The following ADAM18 variants were observed in gnomAD, a reference collection of about 807,000 sequenced individuals.
ADAM18 encodes ADAM metallopeptidase domain 18.
ADAM18 carries 117 observed loss-of-function variants against 94.4 expected under a neutral mutation model. That is an observed-to-expected ratio of 1.24 (90% CI 1.07 to 1.45). ADAM18 has a LOEUF of 1.45. ADAM18 is among the 40% of genes most tolerant of loss of function. The pLI is 0.00. For synonymous variants in ADAM18, 327 were observed against 291.6 expected (o/e 1.12, Z -1.24); for missense variants, 936 against 880.0 (o/e 1.06, Z -0.81).
At chr8:39,682,666 A>G (rs1349077520) in intron 16 of ADAM18, among the ~76,000 whole-genome samples, 1 of 152,184 alleles carries the variant, frequency 6.6e-6, no homozygotes, top group African/African-American at 2.4e-5. Context: ...GAATTAAAAT[A>G]TCTATAAGTT....
At chr8:39,713,498 C>T (rs1822478098) in intron 18 of ADAM18, among the ~76,000 whole-genome samples, 1 of 152,256 alleles carries the variant, frequency 6.6e-6, no homozygotes, top group East Asian at 1.9e-4. Context: ...TCCAGGTGAA[C>T]AGGCAACCTA....
At chr8:39,629,311 T>A in intron 6 of ADAM18, 63 bp from the exon 7 acceptor site, 1 of 1,308,994 alleles carries the variant, frequency 7.6e-7, no homozygotes, top group Non-Finnish European at 1.1e-6. Flanking sequence ...TTACATGTCA[T>A]CTTTTTCTCT....
At chr8:39,664,540 G>C (rs1820938837) in intron 13 of ADAM18, among the ~76,000 whole-genome samples, 1 of 151,842 alleles carries the variant, frequency 6.6e-6, no homozygotes, top group South Asian at 2.1e-4. Context: ...AGATAAAAGG[G>C]AGAAAAAACA....
intron 15 of ADAM18, among the ~76,000 whole-genome samples, chr8:39,679,741 T>C (rs1186369693): frequency 6.6e-6 from 1 of 152,148 alleles, no homozygotes; most frequent in African/African-American, 2.4e-5. Context: ...TGACTAATTC[T>C]CCCAGAGTGC....
At chr8:39,592,732 A>C (rs866830832) in intron 2 of ADAM18, among the ~76,000 whole-genome samples, 1 of 152,188 alleles carries the variant, frequency 6.6e-6, no homozygotes, top group Non-Finnish European at 1.5e-5. Context: ...AACAATGTCC[A>C]ATATTTGAGT....
chr8:39,629,247 T>C, intron 6 of ADAM18, 127 bp from the exon 7 acceptor site: 1 of 642,370 alleles, frequency 1.6e-6, no homozygotes, highest in East Asian at 3.3e-5. Context: ...ACATCAGAAT[T>C]AATTTTTATA....
chr8:39,640,374 G>T (rs1037513684), intron 10 of ADAM18, among the ~76,000 whole-genome samples: 2 of 151,908 alleles, frequency 1.3e-5, no homozygotes, highest in Non-Finnish European at 2.9e-5. Context: ...TCCTTTTATG[G>T]CTGCATAGTA....
rs778498150 is a variant in ADAM18 at position 39,637,686 on chromosome 8, C to G, written c.810C>G (p.Asp270Glu). ...KRDYLILRPH[D>E]IAYLLVYRKH... The stretch of plus-strand genomic sequence containing the variant: ...ACTATCTCATCCTACGGCCCCATGA[C>G]ATAGCATACTTACTTGTGTAAGCAC... The change falls in exon 9 of 20, where the codon GAC becomes GAG. Residue 270 changes from aspartate (D) to glutamate (E), a missense_variant. Transcript: ENST00000265707. 1.2e-6 allele frequency: 2 copies of G among 1,605,534 alleles called. No individual in the cohort carries two copies. Among genetic ancestry groups the G allele is most frequent in the African/African-American group, 2.7e-5 (2 of 74,654 alleles).
chr8:39,728,387 T>C (rs1054318981), intron 19 of ADAM18, among the ~76,000 whole-genome samples: 21 of 152,200 alleles, frequency 1.4e-4, no homozygotes, highest in Non-Finnish European at 2.4e-4. Context: ...AATAAAATCA[T>C]GAGTAACTGT....
rs2305394 is a variant in ADAM18 at position 39,680,285 on chromosome 8, T to A, written c.1821+59T>A. The A allele has an allele frequency of 3.2e-5, 46 of 1,435,054 alleles. No homozygotes were observed. The African/African-American group carries it at 6.6e-4, about 20-fold the overall frequency. 88.9% of individuals were successfully genotyped at this position (1,435,054 alleles called of 1,614,324 possible). ...TTAAATTATGTGAATTATCAGATAC[T>A]GCATTCCATGATGACTATCACAATT... On this transcript the variant is annotated intron_variant, in intron 16 of 19. Coordinates refer to ENST00000265707, the MANE Select transcript of ADAM18 (RefSeq NM_014237.3).
chr8:39,639,158 A>G (rs559321448), intron 10 of ADAM18, among the ~76,000 whole-genome samples: 1 of 152,054 alleles, frequency 6.6e-6, no homozygotes, highest in South Asian at 2.1e-4. Context: ...GTCAAAGTTT[A>G]TAGCACAATT....
At chr8:39,696,656 T>C (rs530061436) in intron 17 of ADAM18, among the ~76,000 whole-genome samples, 4 of 151,566 alleles carry the variant, frequency 2.6e-5, no homozygotes, top group South Asian at 2.1e-4. Flanking sequence ...CATGGAAGCC[T>C]TGACAGAAAT....
chr8:39,691,529 C>G (rs1821780256), intron 16 of ADAM18, among the ~76,000 whole-genome samples: 1 of 151,884 alleles, frequency 6.6e-6, no homozygotes, highest in African/African-American at 2.4e-5. Context: ...GCAATAAACT[C>G]CCATGTTTAT....
intron 3 of ADAM18, among the ~76,000 whole-genome samples, chr8:39,606,661 G>T (rs918861286): frequency 6.6e-6 from 1 of 152,098 alleles, no homozygotes; most frequent in Admixed American, 6.6e-5. Flanking sequence ...AAGTATATCT[G>T]GTGTGAAATC....
At chr8:39,686,992 T>C (rs1821624109) in intron 16 of ADAM18, among the ~76,000 whole-genome samples, 1 of 152,206 alleles carries the variant, frequency 6.6e-6, no homozygotes, top group African/African-American at 2.4e-5. Context: ...TTTTTTAAAA[T>C]AGATTCCTAT....
intron 18 of ADAM18, among the ~76,000 whole-genome samples, chr8:39,716,141 C>G (rs1328913569): frequency 6.7e-6 from 1 of 149,624 alleles, no homozygotes; most frequent in African/African-American, 2.5e-5. Flanking sequence ...ATTTTAAAAA[C>G]AGCTTTTAGT....
At chr8:39,686,757 T>C (rs991534647) in intron 16 of ADAM18, among the ~76,000 whole-genome samples, 2 of 152,240 alleles carry the variant, frequency 1.3e-5, no homozygotes, top group African/African-American at 4.8e-5. Context: ...TATTTTTTAT[T>C]CATTATTTGC....
intron 16 of ADAM18, among the ~76,000 whole-genome samples, chr8:39,691,016 A>G (rs2129580836): frequency 6.6e-6 from 1 of 152,326 alleles, no homozygotes; most frequent in East Asian, 1.9e-4. Flanking sequence ...AATACTATGC[A>G]GTCCTAAAAA....
intron 14 of ADAM18, among the ~76,000 whole-genome samples, chr8:39,671,977 A>G (rs28723041): frequency 0.28 from 42,751 of 151,914 alleles, 6,724 homozygotes; most frequent in African/African-American, 0.42. Context: ...ATTGTTTTGG[A>G]AACACTCTCC....
Sources: gnomAD v4.1 joint callset for allele counts (sites outside exome capture counted in the v4.1 genomes callset) on GRCh38, gnomAD v4.1.1 for gene constraint, MANE v1.5 for transcripts, NCBI Gene and HGNC (gene_info 2026-07-23, HGNC 2026-07-21) for gene names.